The following FSHR variants were observed in gnomAD, a reference collection of about 807,000 sequenced individuals.
FSHR encodes the protein follicle stimulating hormone receptor.
FSHR carries 46 observed loss-of-function variants against 52.1 expected under a neutral mutation model. The ratio of observed to expected loss-of-function variants is 0.88; its 90% CI spans 0.70 to 1.13. FSHR has a LOEUF of 1.13. Ranked by LOEUF, FSHR falls within the 50% of genes most tolerant of loss-of-function variation. FSHR has a pLI of 0.00. For missense variants in FSHR, 964 were observed against 834.6 expected (o/e 1.16, Z -1.91); for synonymous variants, 399 against 309.6 (o/e 1.29, Z -3.03).
chr2:48,977,821 A>G (rs759317471), intron 8 of FSHR, among the ~76,000 whole-genome samples: 1 of 152,224 alleles, frequency 6.6e-6, no homozygotes, highest in African/African-American at 2.4e-5. Flanking sequence ...AGTGCTTGAG[A>G]ATGTTTACTT....
At chr2:49,094,655 G>A (rs1670754751) in intron 1 of FSHR, among the ~76,000 whole-genome samples, 1 of 152,024 alleles carries the variant, frequency 6.6e-6, no homozygotes, top group Admixed American at 6.6e-5. Context: ...CCTGACTTAT[G>A]GGATTCAGAG....
Position 49,069,758 on chromosome 2 carries a change from C to T in FSHR, c.153-1468G>A, listed in dbSNP as rs367827502. Among the ~76,000 whole-genome samples the T allele has an allele frequency of 3.9e-5, 6 of 152,210 alleles. No individual in the cohort carries two copies. In the East Asian group the frequency reaches 7.7e-4, roughly 20 times the overall value. ...TATAATAAGAATATTATTCTTTCCC[C>T]AGCCTTCTTCTCTCTGGCTTTTTCT... is the stretch of plus-strand genomic sequence containing the variant. On this transcript the variant is annotated intron_variant, in intron 1 of 9. Coordinates refer to ENST00000406846, the MANE Select transcript of FSHR (RefSeq NM_000145.4).
intron 1 of FSHR, among the ~76,000 whole-genome samples, chr2:49,093,344 T>C (rs1020141144): frequency 6.6e-6 from 1 of 152,190 alleles, no homozygotes; most frequent in Non-Finnish European, 1.5e-5. Flanking sequence ...TTCAGTTGTA[T>C]CAGTTTGTGA....
chr2:49,057,882 A>T (rs1304895559), intron 2 of FSHR, among the ~76,000 whole-genome samples: 1 of 152,240 alleles, frequency 6.6e-6, no homozygotes, highest in Non-Finnish European at 1.5e-5. Flanking sequence ...CAAATTAGTA[A>T]ACATGATACA....
rs528378860 is a variant in FSHR at position 49,084,066 on chromosome 2, C to T, written c.153-15776G>A. On this transcript the variant is annotated intron_variant, in intron 1 of 9. Coordinates refer to ENST00000406846, the MANE Select transcript of FSHR (RefSeq NM_000145.4). ...CATTTTTTTCAGCACCACACCACAC[C>T]TATTCCAAAATTGACCACATACTTG... Among the ~76,000 whole-genome samples the T allele has an allele frequency of 1.9e-3, 288 of 151,754 alleles. 1 individual carries two copies. Among genetic ancestry groups the T allele is most frequent in the African/African-American group, 6.6e-3 (272 of 41,366 alleles).
At chr2:48,997,315 G>T in intron 4 of FSHR, 1 of 984,634 alleles carries the variant, frequency 1.0e-6, no homozygotes, top group Non-Finnish European at 1.2e-6. Flanking sequence ...TATTTAACTG[G>T]AACTCTTTGT....
At position 48,963,341 on chromosome 2, in the gene FSHR, A is replaced by T; in HGVS notation, c.1480T>A (p.Trp494Arg). The T allele has an allele frequency of 1.2e-6, 2 of 1,614,028 alleles. No homozygotes were observed. Among genetic ancestry groups the T allele is most frequent in the Non-Finnish European group, 1.7e-6 (2 of 1,179,958 alleles). ...AGGGCAGCTGCAAAAGCAAAAATCC[A>T]GCCCATCACCATGACACTGGCAGCA... ...RHAASVMVMG[W>R]IFAFAAALFP... The change falls in exon 10 of 10, where the codon TGG becomes AGG. Residue 494 changes from tryptophan to arginine, a missense_variant. Trp to Arg is a moderately radical substitution (Grantham distance 101). Coordinates refer to ENST00000406846, the MANE Select transcript of FSHR (RefSeq NM_000145.4).
intron 1 of FSHR, among the ~76,000 whole-genome samples, chr2:49,086,723 C>T (rs1670407010): frequency 6.6e-6 from 1 of 152,204 alleles, no homozygotes; most frequent in African/African-American, 2.4e-5. Context: ...TCATTGCAAA[C>T]TCCACATGCC....
intron 1 of FSHR, among the ~76,000 whole-genome samples, chr2:49,140,309 C>T (rs1208914247): frequency 6.6e-6 from 1 of 151,926 alleles, no homozygotes; most frequent in Non-Finnish European, 1.5e-5. Context: ...ATTGCCCCCG[C>T]ACCACCCCCC....
chr2:49,001,440 C>A (rs1666879587), intron 4 of FSHR, among the ~76,000 whole-genome samples: 1 of 152,074 alleles, frequency 6.6e-6, no homozygotes, highest in Non-Finnish European at 1.5e-5. Flanking sequence ...CTAAAGATAT[C>A]TCTAGGTGAG....
chr2:49,068,408 T>C (rs1669593146), intron 1 of FSHR, 118 bp from the exon 2 acceptor site: 1 of 826,878 alleles, frequency 1.2e-6, no homozygotes, highest in Non-Finnish European at 2.0e-6. Context: ...TAAAGTAATG[T>C]TGAAATTGCT....
At chr2:49,059,385 T>C (rs187057640) in intron 2 of FSHR, among the ~76,000 whole-genome samples, 1 of 151,362 alleles carries the variant, frequency 6.6e-6, no homozygotes, top group African/African-American at 2.4e-5. Context: ...AATACAAAGT[T>C]ATAGTAACCA....
intron 5 of FSHR, 136 bp downstream of exon 5, chr2:48,990,430 C>T (rs1450004804): frequency 2.1e-5 from 15 of 719,420 alleles, no homozygotes; most frequent in Non-Finnish European, 3.8e-5. Flanking sequence ...TCACTTCTGG[C>T]CTCCCTATCT....
chr2:49,073,783 A>G (rs1341898703), intron 1 of FSHR, among the ~76,000 whole-genome samples: 1 of 152,130 alleles, frequency 6.6e-6, no homozygotes, highest in African/African-American at 2.4e-5. Flanking sequence ...CTCAGACTTC[A>G]AAATATACTA....
In FSHR at chr2:48,963,685, C is replaced by T. The variant is rs1559069667; in HGVS notation, c.1136G>A (p.Gly379Glu). 1.2e-6 allele frequency: 2 copies of T among 1,614,102 alleles called. No individual in the cohort carries two copies. The highest frequency in any genetic ancestry group is 4.5e-5 in the East Asian group (2 of 44,878). The change falls in exon 10 of 10, where the codon GGG becomes GAG. Residue 379 changes from glycine (G) to glutamate (E), a missense_variant. Physicochemically the swap from Gly to Glu is moderately conservative, Grantham distance 98. Transcript: ENST00000406846. ...TAGGATCACTAGCACTATGATGTTCCCAGTGATGGCCAGGATGCTGATAAA... is the reference window on the plus strand; with the variant it reads ...TAGGATCACTAGCACTATGATGTTCTCAGTGATGGCCAGGATGCTGATAAA... ...IWFISILAITGNIIVLVILTT... is the reference protein window; with the variant it reads ...IWFISILAITENIIVLVILTT...
chr2:49,002,778 C>T (rs1183930280), intron 4 of FSHR, among the ~76,000 whole-genome samples: 1 of 152,052 alleles, frequency 6.6e-6, no homozygotes, highest in Non-Finnish European at 1.5e-5. Context: ...CCCGGGAGGC[C>T]CTGTTACTTG....
chr2:49,098,774 A>G (rs1251729707), intron 1 of FSHR, among the ~76,000 whole-genome samples: 1 of 147,094 alleles, frequency 6.8e-6, no homozygotes, highest in Non-Finnish European at 1.5e-5. Flanking sequence ...ATGTATTTAT[A>G]TTATATACTT....
chr2:49,078,634 A>C (rs1289615288), intron 1 of FSHR, among the ~76,000 whole-genome samples: 9 of 152,154 alleles, frequency 5.9e-5, no homozygotes, highest in Non-Finnish European at 1.2e-4. Flanking sequence ...AAAGAGAAAA[A>C]GCCACATGAT....
intron 4 of FSHR, among the ~76,000 whole-genome samples, chr2:48,996,225 G>T (rs916436305): frequency 1.3e-5 from 2 of 152,054 alleles, no homozygotes; most frequent in Non-Finnish European, 2.9e-5. Flanking sequence ...AGTTGAAGTT[G>T]ACTCCTTCCT....
Sources: gnomAD v4.1 joint callset for allele counts (sites outside exome capture counted in the v4.1 genomes callset) on GRCh38, gnomAD v4.1.1 for gene constraint, MANE v1.5 for transcripts, NCBI Gene and HGNC (gene_info 2026-07-23, HGNC 2026-07-21) for gene names.